Variants in HNF4G observed in about 807,000 individuals in gnomAD.
HNF4G encodes the protein hepatocyte nuclear factor 4-gamma.
Under a neutral mutation model 50.9 loss-of-function variants are expected in HNF4G, and 21 were observed. That is an observed-to-expected ratio of 0.41 (90% CI 0.29 to 0.59). The LOEUF is 0.59. Ranked by LOEUF, HNF4G falls within the 20% of genes least tolerant of loss-of-function variation. The pLI, the probability that HNF4G is intolerant of heterozygous loss-of-function variation, is 0.26. For synonymous variants in HNF4G, 198 were observed against 185.6 expected (o/e 1.07, Z -0.54); for missense variants, 527 against 559.4 (o/e 0.94, Z 0.58).
intron 2 of HNF4G, among the ~76,000 whole-genome samples, chr8:75,526,148 A>C (rs559978632): frequency 2.0e-4 from 24 of 120,974 alleles, no homozygotes; most frequent in African/African-American, 7.4e-4. Context: ...ATTTATTTAG[A>C]GATAGGGCCT....
At chr8:75,557,482 G>A (rs762744521) in intron 6 of HNF4G, among the ~76,000 whole-genome samples, 2 of 152,072 alleles carry the variant, frequency 1.3e-5, no homozygotes, top group African/African-American at 2.4e-5. Context: ...TTAACTGGGC[G>A]TGGTGGCGGG....
intron 1 of HNF4G, among the ~76,000 whole-genome samples, chr8:75,440,673 G>T (rs1811257882): frequency 6.6e-6 from 1 of 152,032 alleles, no homozygotes; most frequent in South Asian, 2.1e-4. Flanking sequence ...AGCTTATACT[G>T]CTGTCAATAA....
chr8:75,558,539 G>A lies in HNF4G; in HGVS notation c.755G>A (p.Arg252His), dbSNP rs767200428. The part of the protein sequence containing the change: ...LLLGNNYVIH[R>H]NSCEVEISRV... ...ATAGGAAACAACTATGTTATTCACC[G>A]CAACAGCTGTGAAGTTGAGATTAGC... Residue 252 changes from arginine (R) to histidine (H), a missense_variant, in exon 7 of 10, where the codon CGC (arginine) becomes CAC (histidine). Transcript: ENST00000396423. 3.3e-5 allele frequency: 54 copies of A among 1,612,746 alleles called. No homozygotes were observed. The highest frequency in any genetic ancestry group is 4.4e-5 in the Non-Finnish European group (52 of 1,179,532).
At chr8:75,526,022 A>T (rs914703482) in intron 2 of HNF4G, among the ~76,000 whole-genome samples, 1 of 152,156 alleles carries the variant, frequency 6.6e-6, no homozygotes, top group African/African-American at 2.4e-5. Context: ...ATGAAGCTAG[A>T]AACTGAAATG....
intron 1 of HNF4G, among the ~76,000 whole-genome samples, chr8:75,486,783 C>G (rs1812507269): frequency 6.6e-6 from 1 of 152,114 alleles, no homozygotes. Context: ...CCGGGAGGAT[C>G]TCTTGACCCC....
chr8:75,479,947 G>T, intron 1 of HNF4G, among the ~76,000 whole-genome samples: 1 of 150,738 alleles, frequency 6.6e-6, no homozygotes, highest in South Asian at 2.1e-4. Context: ...ATATCACAAA[G>T]GTTTATGATT....
At chr8:75,417,127 A>ATG (rs1563497919) in intron 1 of HNF4G, among the ~76,000 whole-genome samples, 10,581 of 138,660 alleles carry the variant, frequency 0.076, 375 homozygotes, top group Middle Eastern at 0.11. Flanking sequence ...GTGCGCACAC[A>ATG]CACACACACA....
intron 1 of HNF4G, among the ~76,000 whole-genome samples, chr8:75,442,084 A>G (rs1314262578): frequency 2.0e-5 from 3 of 152,206 alleles, no homozygotes; most frequent in African/African-American, 4.8e-5. Flanking sequence ...TATTTTATTT[A>G]TATAAAGATT....
At chr8:75,480,677 A>G (rs1445319302) in intron 1 of HNF4G, among the ~76,000 whole-genome samples, 2 of 151,718 alleles carry the variant, frequency 1.3e-5, no homozygotes, top group Non-Finnish European at 2.9e-5. Context: ...ACCTTGAACA[A>G]GTAACTTCGT....
chr8:75,409,892 C>G (rs988871066), intron 1 of HNF4G, among the ~76,000 whole-genome samples: 6 of 152,132 alleles, frequency 3.9e-5, no homozygotes, highest in African/African-American at 1.4e-4. Context: ...GAGCCCCCTC[C>G]CCATTCCACT....
rs576375518 is a variant in HNF4G, at chr8:75,564,194, T to G, written c.*98T>G. The G allele has an allele frequency of 5.7e-5, 70 of 1,234,484 alleles. No homozygotes were observed. In the East Asian group the frequency reaches 1.6e-3, roughly 28 times the overall value. The allele number at this position is 1,234,484 out of a possible 1,614,324, so 76.5% of individuals were successfully genotyped here. On this transcript the variant is annotated 3_prime_UTR_variant, in exon 10 of 10. Coordinates refer to ENST00000396423, the MANE Select transcript of HNF4G (RefSeq NM_004133.5). ...CTTTTGGCAAACTCTTAGCCAAGGC[T>G]TCTTCATTGGTGCTGTTATAAGATG...
chr8:75,494,292 C>T (rs1432296284), intron 2 of HNF4G, among the ~76,000 whole-genome samples: 1 of 137,300 alleles, frequency 7.3e-6, no homozygotes, highest in Non-Finnish European at 1.5e-5. Flanking sequence ...CTACTGCTCT[C>T]CCATACAGCA....
At position 75,565,702 on chromosome 8, in the gene HNF4G, A is replaced by G. The variant is rs1807444403; in HGVS notation, c.*1606A>G. 6.6e-6 allele frequency: 1 copy of G among 152,166 alleles called. No individual in the cohort carries two copies. Among genetic ancestry groups the G allele is most frequent in the Admixed American group, 6.6e-5 (1 of 15,260 alleles). The allele number at this position is 152,166 out of a possible 1,614,324, so 9.4% of individuals were successfully genotyped here. On this transcript the variant is annotated 3_prime_UTR_variant, in exon 10 of 10. Transcript: ENST00000396423. ...TCCCAAACTGTAAAAGATTGAAATAATCTTTCTCAGGATTTTTTAAATGTC... is the reference window on the plus strand; with the variant it reads ...TCCCAAACTGTAAAAGATTGAAATAGTCTTTCTCAGGATTTTTTAAATGTC...
At chr8:75,502,950 A>G (rs1260817695) in intron 2 of HNF4G, among the ~76,000 whole-genome samples, 1 of 152,176 alleles carries the variant, frequency 6.6e-6, no homozygotes, top group Non-Finnish European at 1.5e-5. Flanking sequence ...ATATTGTAAC[A>G]TATTTGTACT....
At chr8:75,512,115 CAATTA>C (rs1183170756) in intron 2 of HNF4G, among the ~76,000 whole-genome samples, 2 of 151,878 alleles carry the variant, frequency 1.3e-5, no homozygotes, top group Non-Finnish European at 2.9e-5. Context: ...TCTATTTGGA[CAATTA>C]AATTGATTGA....
chr8:75,467,012 TG>T (rs1408090269), intron 1 of HNF4G, among the ~76,000 whole-genome samples: 2 of 152,096 alleles, frequency 1.3e-5, no homozygotes, highest in Middle Eastern at 3.2e-3. Context: ...TCTTCTATGT[TG>T]TTGTTGTTTT....
intron 2 of HNF4G, among the ~76,000 whole-genome samples, chr8:75,522,378 C>T (rs541165747): frequency 1.6e-4 from 24 of 152,202 alleles, no homozygotes; most frequent in African/African-American, 5.5e-4. Context: ...CTTTATAATT[C>T]TCAAAAGGCT....
intron 1 of HNF4G, among the ~76,000 whole-genome samples, chr8:75,412,313 T>G (rs1810520162): frequency 6.6e-6 from 1 of 151,876 alleles, no homozygotes; most frequent in African/African-American, 2.4e-5. Context: ...CGCCTGTCAG[T>G]TGTATATCCC....
intron 1 of HNF4G, among the ~76,000 whole-genome samples, chr8:75,409,480 C>CTTTTTTTTTTTTTTTTTT (rs5892492): frequency 1.5e-5 from 1 of 67,346 alleles, no homozygotes; most frequent in African/African-American, 6.0e-5. Flanking sequence ...GTGCCTTGTT[C>CTTTTTTTTTTTTTTTTTT]TTTTTTTTTT....
Sources: gnomAD v4.1 joint callset for allele counts (sites outside exome capture counted in the v4.1 genomes callset) on GRCh38, gnomAD v4.1.1 for gene constraint, MANE v1.5 for transcripts, NCBI Gene and HGNC (gene_info 2026-07-23, HGNC 2026-07-21) for gene names.